PTPN22: variants seen among roughly 807,000 people sequenced by gnomAD.
PTPN22 encodes tyrosine-protein phosphatase non-receptor type 22.
Under a neutral mutation model 103.3 loss-of-function variants are expected in PTPN22, and 85 were observed. The observed-to-expected ratio is 0.82, with a 90% CI of 0.69 to 0.99. PTPN22 has a LOEUF of 0.99. Among genes scored for constraint, PTPN22 ranks in the 50% least tolerant of loss-of-function variants. The probability of loss-of-function intolerance (pLI) is 0.00; values close to 1 mark genes in which losing one functional copy is unlikely to be tolerated. For synonymous variants in PTPN22, 323 were observed against 310.2 expected (o/e 1.04, Z -0.43); for missense variants, 865 against 936.9 (o/e 0.92, Z 1.00).
At chr1:113,838,581 G>C in exon 12 of PTPN22, 1 of 1,613,770 alleles carries the variant, frequency 6.2e-7, no homozygotes, top group South Asian at 1.1e-5. Flanking sequence ...TCTGCTTGGA[G>C]AGTGTGATTT....
chr1:113,869,703 T>C (rs565407462), intron 1 of PTPN22, among the ~76,000 whole-genome samples: 2 of 152,152 alleles, frequency 1.3e-5, no homozygotes, highest in Non-Finnish European at 2.9e-5. Context: ...CCAGTCTACA[T>C]TATTTTAAAA....
rs79773973 is a variant in PTPN22 at position 113,822,294 on chromosome 1, T to C, written c.2282-2640A>G. On this transcript the variant is annotated intron_variant, in intron 19 of 20. Transcript: ENST00000359785. ...TTGTCACTCTATAATTCATTCTGTA[T>C]GTAGCAGCCAGTGTGATCGTTTTAT... 3.7e-3 allele frequency among the ~76,000 whole-genome samples: 566 copies of C among 152,342 alleles called. 2 individuals are homozygous for C. Among genetic ancestry groups the C allele is most frequent in the African/African-American group, 0.013 (543 of 41,578 alleles).
rs1293379078 is a variant in PTPN22, at chr1:113,830,432, G to A, written c.2054-403C>T. On this transcript the variant is annotated intron_variant, in intron 16 of 20. Coordinates refer to ENST00000359785, the Ensembl canonical transcript of PTPN22. ...CCACTCTCTTCAACAAATAAATGAT[G>A]TGAAAAGTATAGAAAGGAGAACGGT... Among the ~76,000 whole-genome samples, 4 of 151,992 alleles carry A rather than the reference G, an allele frequency of 2.6e-5. No individual in the cohort carries two copies. In the East Asian group the frequency reaches 7.7e-4, roughly 29 times the overall value.
At chr1:113,860,657 G>A (rs1665496265) in intron 1 of PTPN22, among the ~76,000 whole-genome samples, 1 of 152,146 alleles carries the variant, frequency 6.6e-6, no homozygotes, top group Non-Finnish European at 1.5e-5. Context: ...GAAAGACTAG[G>A]CTGAATTTCA....
chr1:113,868,788 C>A (rs112479751), intron 1 of PTPN22, among the ~76,000 whole-genome samples: 414 of 152,100 alleles, frequency 2.7e-3, no homozygotes, highest in African/African-American at 9.5e-3. Flanking sequence ...CTGACAGTTT[C>A]TTGACTTGGG....
chr1:113,835,131 A>G (rs1053907403), intron 13 of PTPN22, 138 bp from the exon 14 acceptor site: 2 of 490,020 alleles, frequency 4.1e-6, no homozygotes, highest in African/African-American at 2.0e-5. Context: ...AGTAAAGTTG[A>G]CACTTGTTCA....
chr1:113,866,936 G>A (rs574228328), intron 1 of PTPN22, among the ~76,000 whole-genome samples: 45 of 152,170 alleles, frequency 3.0e-4, no homozygotes, highest in African/African-American at 9.6e-4. Flanking sequence ...TAGTGGAGAC[G>A]GGGTTTCATC....
At chr1:113,859,751 A>G (rs536497047) in intron 1 of PTPN22, among the ~76,000 whole-genome samples, 45 of 152,330 alleles carry the variant, frequency 3.0e-4, no homozygotes, top group African/African-American at 9.9e-4. Context: ...AGCAAGCTAT[A>G]TGCTCCACCC....
At chr1:113,842,874 G>T (rs1663682010) in intron 11 of PTPN22, among the ~76,000 whole-genome samples, 1 of 151,128 alleles carries the variant, frequency 6.6e-6, no homozygotes, top group African/African-American at 2.4e-5. Flanking sequence ...GGCCGAGGCG[G>T]GCGGATCACG....
intron 18 of PTPN22, among the ~76,000 whole-genome samples, chr1:113,826,018 A>T (rs540540210): frequency 4.0e-5 from 6 of 151,420 alleles, no homozygotes; most frequent in Non-Finnish European, 7.4e-5. Flanking sequence ...CAGCCAATAA[A>T]TTTTTTTTTA....
chr1:113,857,829 C>A, intron 4 of PTPN22, 53 bp from the exon 5 acceptor site: 2 of 1,479,318 alleles, frequency 1.4e-6, no homozygotes. Context: ...TTAGAAAGAG[C>A]AGTTAATACA....
chr1:113,834,855 ATG>A (rs1662844347), intron 14 of PTPN22, 53 bp downstream of exon 14: 12 of 1,351,608 alleles, frequency 8.9e-6, no homozygotes, highest in Non-Finnish European at 1.0e-5. Context: ...AATTAAAGGC[ATG>A]AGCCACCATG....
chr1:113,862,060 C>A (rs547984413), intron 1 of PTPN22, among the ~76,000 whole-genome samples: 1 of 152,084 alleles, frequency 6.6e-6, no homozygotes, highest in African/African-American at 2.4e-5. Flanking sequence ...GCAGGCAGAT[C>A]ACTAGGTCAG....
intron 7 of PTPN22, 109 bp downstream of exon 7, chr1:113,856,273 G>A: frequency 1.5e-6 from 2 of 1,374,552 alleles, no homozygotes; most frequent in Non-Finnish European, 9.5e-7. Flanking sequence ...TGACATCAAA[G>A]ACCCTACCAC....
exon 14 of PTPN22, chr1:113,834,987 G>T: frequency 6.5e-7 from 1 of 1,543,580 alleles, no homozygotes; most frequent in South Asian, 1.2e-5. Flanking sequence ...TATCCTTGGA[G>T]CAGTTGCTAT....
intron 11 of PTPN22, among the ~76,000 whole-genome samples, chr1:113,845,971 A>G (rs1415533016): frequency 1.3e-5 from 2 of 152,194 alleles, no homozygotes; most frequent in African/African-American, 2.4e-5. Flanking sequence ...GTTTACTGAT[A>G]TAACTTTTTT....
chr1:113,863,912 T>C (rs1035630039), intron 1 of PTPN22, among the ~76,000 whole-genome samples: 1 of 98,334 alleles, frequency 1.0e-5, no homozygotes, highest in Non-Finnish European at 1.9e-5. Context: ...AATAAATATA[T>C]ATATATATAT....
At chr1:113,852,463 C>T (rs1403436610) in intron 9 of PTPN22, among the ~76,000 whole-genome samples, 1 of 152,170 alleles carries the variant, frequency 6.6e-6, no homozygotes. Context: ...CTTCCCATTT[C>T]CTATTAGACA....
chr1:113,870,464 A>C (rs556032190), intron 1 of PTPN22, among the ~76,000 whole-genome samples: 8 of 152,254 alleles, frequency 5.3e-5, no homozygotes, highest in Admixed American at 2.0e-4. Flanking sequence ...ATGTTATCTG[A>C]TATCTCAGCT....
Sources: allele counts gnomAD v4.1 joint callset (sites outside exome capture counted in the v4.1 genomes callset), GRCh38; gene constraint gnomAD v4.1.1; transcripts MANE v1.5; gene names NCBI Gene and HGNC (gene_info 2026-07-23, HGNC 2026-07-21).